Variants in PALMD observed in about 807,000 individuals in gnomAD.
PALMD encodes the protein paralemmin-like protein.
Under a neutral mutation model 56.2 loss-of-function variants are expected in PALMD, and 42 were observed. The ratio of observed to expected loss-of-function variants is 0.75; its 90% CI spans 0.58 to 0.97. The LOEUF (loss-of-function observed/expected upper bound fraction) is 0.97. PALMD is among the 50% of genes least tolerant of loss of function. The pLI, the probability that PALMD is intolerant of heterozygous loss-of-function variation, is 0.00. For synonymous variants in PALMD, 242 were observed against 222.9 expected (o/e 1.09, Z -0.76); for missense variants, 660 against 643.8 (o/e 1.03, Z -0.27).
At chr1:99,647,151 C>T (rs1415229604) in intron 1 of PALMD, among the ~76,000 whole-genome samples, 2 of 152,272 alleles carry the variant, frequency 1.3e-5, no homozygotes, top group East Asian at 3.9e-4. Context: ...TTGGCAGTAA[C>T]TTGGAAATCT....
At chr1:99,682,202 A>C (rs1261894836) in intron 3 of PALMD, among the ~76,000 whole-genome samples, 1 of 152,210 alleles carries the variant, frequency 6.6e-6, no homozygotes, top group Admixed American at 6.5e-5. Flanking sequence ...ATCAACATAC[A>C]AAAATAAGAA....
chr1:99,646,876 G>A (rs971681315), intron 1 of PALMD, among the ~76,000 whole-genome samples: 13 of 152,182 alleles, frequency 8.5e-5, no homozygotes, highest in Non-Finnish European at 1.0e-4. Context: ...GTTAATATAC[G>A]TAATTTAAGC....
intron 3 of PALMD, 117 bp downstream of exon 3, chr1:99,667,883 T>A: frequency 8.2e-5 from 10 of 122,060 alleles, no homozygotes; most frequent in East Asian, 2.6e-4. Flanking sequence ...TTTGAATTTC[T>A]TTTTTTTTTT....
intron 3 of PALMD, among the ~76,000 whole-genome samples, chr1:99,676,546 C>T (rs771753619): frequency 2.9e-4 from 44 of 152,250 alleles, no homozygotes; most frequent in Non-Finnish European, 2.2e-4. Context: ...CCCTCCCACC[C>T]TCTCACCCTT....
At chr1:99,665,923 A>G (rs1206521986) in intron 2 of PALMD, among the ~76,000 whole-genome samples, 2 of 152,310 alleles carry the variant, frequency 1.3e-5, no homozygotes, top group East Asian at 1.9e-4. Context: ...GCAAACAGCT[A>G]AACAGCTATA....
At position 99,662,355 on chromosome 1, in the gene PALMD, C is replaced by T. The variant is rs766440430; in HGVS notation, c.82C>T (p.Arg28Cys). The T allele has an allele frequency of 3.8e-6, 6 of 1,573,238 alleles. No individual in the cohort carries two copies. In the East Asian group the frequency reaches 1.1e-4, roughly 30 times the overall value. Reference sequence around the variant, plus strand: ...AATACAGGAAGAAATCTCACAGAAGCGTCTGAAAATAGAGGAAGACAAACT... The same window carrying T: ...AATACAGGAAGAAATCTCACAGAAGTGTCTGAAAATAGAGGAAGACAAACT... ...RKIQEEISQKRLKIEEDKLKH... is the reference protein window; with the variant it reads ...RKIQEEISQKCLKIEEDKLKH... Residue 28 changes from arginine (R) to cysteine (C), a missense_variant, in exon 2 of 8, where the codon CGT (arginine) becomes TGT (cysteine). By Grantham distance (180) the Arg-to-Cys change is radical (BLOSUM62 -3). Transcript: ENST00000263174.
chr1:99,657,178 A>G (rs1652744518), intron 1 of PALMD, among the ~76,000 whole-genome samples: 1 of 152,100 alleles, frequency 6.6e-6, no homozygotes, highest in Admixed American at 6.5e-5. Context: ...CTTTATCTCT[A>G]GCTCTGATTC....
At chr1:99,687,953 G>A (rs943096120) in intron 6 of PALMD, among the ~76,000 whole-genome samples, 1 of 152,092 alleles carries the variant, frequency 6.6e-6, no homozygotes, top group East Asian at 1.9e-4. Flanking sequence ...AAAGAAAGGT[G>A]GGAGGACACA....
intron 3 of PALMD, among the ~76,000 whole-genome samples, chr1:99,681,596 A>G (rs1030121625): frequency 1.3e-5 from 2 of 152,224 alleles, no homozygotes; most frequent in Non-Finnish European, 2.9e-5. Context: ...CTTATAAAGT[A>G]CCTATCAAGA....
At chr1:99,681,135 GTATGTATA>G (rs1419269613) in intron 3 of PALMD, among the ~76,000 whole-genome samples, 1 of 119,872 alleles carries the variant, frequency 8.3e-6, no homozygotes, top group Non-Finnish European at 1.6e-5. Flanking sequence ...GTGTGTGTGT[GTATGTATA>G]TATATATATG....
rs553839952 is a variant in PALMD, at chr1:99,649,492, G to A, written c.45+3130G>A. ...CTCGAGAAGAGTGAGATGAAGAAGC[G>A]TGAGATGAAGGACTGAACGTACCAC... is the stretch of plus-strand genomic sequence containing the variant. On this transcript the variant is annotated intron_variant, in intron 1 of 7. Transcript: ENST00000263174. Among the ~76,000 whole-genome samples the A allele has an allele frequency of 1.7e-4, 26 of 152,288 alleles. No homozygotes were observed. The South Asian group carries it at 3.3e-3, about 19-fold the overall frequency.
chr1:99,680,387 T>C (rs1217515512), intron 3 of PALMD, among the ~76,000 whole-genome samples: 3 of 152,278 alleles, frequency 2.0e-5, no homozygotes, highest in East Asian at 1.9e-4. Context: ...ATTCCAATAA[T>C]GGATAGCATT....
chr1:99,663,725 C>A (rs1263741797), intron 2 of PALMD, among the ~76,000 whole-genome samples: 1 of 152,096 alleles, frequency 6.6e-6, no homozygotes. Context: ...AATGGGTAGC[C>A]ACAAAACAGT....
intron 1 of PALMD, among the ~76,000 whole-genome samples, chr1:99,646,814 TATTTGTAGTGTGGTAGC>T (rs1420078578): frequency 6.6e-6 from 1 of 152,226 alleles, no homozygotes; most frequent in African/African-American, 2.4e-5. Context: ...TGAAACTTTA[TATTTGTAGTGTGGTAGC>T]ATGTTCCAGA....
rs1653588164 is a variant in PALMD, at chr1:99,688,880, T to C, written c.620T>C (p.Ile207Thr). ...LPSDDFKGTG[I>T]KVYDDGQKSV... ...TCAGATGACTTTAAAGGTACAGGAA[T>C]AAAAGTTTATGATGATGGGCAAAAG... Residue 207 changes from isoleucine to threonine, a missense_variant, in exon 7 of 8, where the codon ATA becomes ACA. Coordinates refer to ENST00000263174, the MANE Select transcript of PALMD (RefSeq NM_017734.5). The C allele has an allele frequency of 3.1e-6, 5 of 1,613,534 alleles. No individual in the cohort carries two copies. Among genetic ancestry groups the C allele is most frequent in the South Asian group, 1.1e-5 (1 of 91,074 alleles).
At chr1:99,657,104 C>G (rs1418673068) in intron 1 of PALMD, among the ~76,000 whole-genome samples, 1 of 152,162 alleles carries the variant, frequency 6.6e-6, no homozygotes, top group South Asian at 2.1e-4. Context: ...CCTTAGCCTC[C>G]TTTTCTTTTC....
At chr1:99,690,669 A>G (rs974204076) in intron 7 of PALMD, among the ~76,000 whole-genome samples, 5 of 152,160 alleles carry the variant, frequency 3.3e-5, no homozygotes, top group Non-Finnish European at 7.4e-5. Context: ...TTTATAAAGA[A>G]TAAATAAGAA....
rs747030138 is a variant in PALMD at position 99,694,015 on chromosome 1, G to A, written c.1613-4G>A. 1 of 1,585,242 alleles carries A rather than the reference G, an allele frequency of 6.3e-7. No homozygotes were observed. The highest frequency in any genetic ancestry group is 8.6e-7 in the Non-Finnish European group (1 of 1,161,132). On this transcript the variant is annotated splice_polypyrimidine_tract_variant and splice_region_variant and intron_variant, in intron 7 of 7. Coordinates refer to ENST00000263174, the MANE Select transcript of PALMD (RefSeq NM_017734.5). ...AACTCTCTTTTTTTTTCTTTAATTT[G>A]CAGCTTTAAGGATGAGAATGGCAAA...
chr1:99,662,454 G>C (rs542226922), intron 2 of PALMD, 55 bp downstream of exon 2: 18 of 1,025,458 alleles, frequency 1.8e-5, no homozygotes, highest in Non-Finnish European at 2.5e-5. Flanking sequence ...AATTCTATTG[G>C]TACTCAAATT....
Sources: allele counts gnomAD v4.1 joint callset (sites outside exome capture counted in the v4.1 genomes callset), GRCh38; gene constraint gnomAD v4.1.1; transcripts MANE v1.5; gene names NCBI Gene and HGNC (gene_info 2026-07-23, HGNC 2026-07-21).